DGKH: variants seen among roughly 807,000 people sequenced by gnomAD.
The protein encoded by DGKH is diacylglycerol kinase eta.
DGKH carries 90 observed loss-of-function variants against 159.3 expected under a neutral mutation model. That is an observed-to-expected ratio of 0.57 (90% CI 0.48 to 0.67). The LOEUF (loss-of-function observed/expected upper bound fraction) is 0.67, where lower values mean the gene tolerates loss of function less well. Ranked by LOEUF, DGKH falls within the 30% of genes least tolerant of loss-of-function variation. The pLI is 0.00. For missense variants in DGKH, 1,181 were observed against 1,506.1 expected, an observed-to-expected ratio of 0.78 and a Z score of 3.57; for synonymous variants, 536 against 553.8, an observed-to-expected ratio of 0.97 and a Z score of 0.45.
rs760259835 is a variant in DGKH, at chr13:42,221,266, C to G, written c.3445C>G (p.Gln1149Glu). The G allele has an allele frequency of 1.9e-6, 3 of 1,613,194 alleles. No homozygotes were observed. In the East Asian group the frequency reaches 6.7e-5, roughly 36 times the overall value. The change falls in exon 29 of 30, where the codon CAG becomes GAG. Residue 1149 changes from glutamine (Q) to glutamate (E), a missense_variant and splice_region_variant. Physicochemically the swap from Gln to Glu is conservative, Grantham distance 29. Transcript: ENST00000337343. ...GGTTTTGCTCTTAACTTTGGTAGTT[C>G]AGAAATGGGGCACAGAGGAAGTTGC... ...QKQKTSSQPV[Q>E]KWGTEEVAAW...
At position 42,241,652 on chromosome 13, in the gene DGKH, G is replaced by C. The variant is rs1958516233; in HGVS notation, c.*12464G>C. The stretch of plus-strand genomic sequence containing the variant: ...GTGCATGGTAAACCCACAGTAGAAG[G>C]GAAAAAGTAATGCTTTCTGGTATAC... On this transcript the variant is annotated 3_prime_UTR_variant, in exon 30 of 30. Coordinates refer to ENST00000337343, the MANE Select transcript of DGKH (RefSeq NM_178009.5). 6.6e-6 allele frequency: 1 copy of C among 152,134 alleles called. No homozygotes were observed. The highest frequency in any genetic ancestry group is 1.5e-5 in the Non-Finnish European group (1 of 68,018). 9.4% of individuals were successfully genotyped at this position (152,134 alleles called of 1,614,324 possible). A position where few individuals can be genotyped will look rare whatever the true frequency, so the allele number is the denominator to read the frequency against.
At chr13:42,062,647 C>G (rs1882267797) in intron 1 of DGKH, among the ~76,000 whole-genome samples, 1 of 152,206 alleles carries the variant, frequency 6.6e-6, no homozygotes, top group Non-Finnish European at 1.5e-5. Flanking sequence ...CCTACATCCA[C>G]TTGGGAGGTG....
At chr13:42,251,459 C>A (rs545798723) in intron 29 of DGKH, among the ~76,000 whole-genome samples, 19 of 151,888 alleles carry the variant, frequency 1.3e-4, no homozygotes, top group African/African-American at 4.3e-4. Flanking sequence ...CCTTTTATAC[C>A]CACTCATGTC....
At chr13:42,183,958 T>A (rs1956840229) in intron 13 of DGKH, among the ~76,000 whole-genome samples, 1 of 152,220 alleles carries the variant, frequency 6.6e-6, no homozygotes, top group African/African-American at 2.4e-5. Context: ...CATTTTGTTC[T>A]GTGTACAAAA....
intron 3 of DGKH, among the ~76,000 whole-genome samples, chr13:42,143,157 A>G (rs947711670): frequency 1.3e-5 from 2 of 152,128 alleles, no homozygotes; most frequent in Non-Finnish European, 2.9e-5. Flanking sequence ...TGAGATAATC[A>G]TATGGTTTTT....
downstream of DGKH, among the ~76,000 whole-genome samples, chr13:42,243,134 A>C (rs544693431): frequency 1.2e-4 from 19 of 152,324 alleles, no homozygotes; most frequent in African/African-American, 4.3e-4. Context: ...AAGGACCCGT[A>C]ATACAGATCC....
chr13:42,143,050 TA>T (rs1294314070), intron 3 of DGKH, among the ~76,000 whole-genome samples: 1 of 152,192 alleles, frequency 6.6e-6, no homozygotes, highest in African/African-American at 2.4e-5. Flanking sequence ...AAATAGCTCT[TA>T]TTACTTTGAG....
At chr13:42,122,351 C>T (rs1213187358) in intron 1 of DGKH, among the ~76,000 whole-genome samples, 1 of 152,104 alleles carries the variant, frequency 6.6e-6, no homozygotes, top group African/African-American at 2.4e-5. Context: ...CTGGAAAGTC[C>T]AAGGGCATAG....
intron 1 of DGKH, among the ~76,000 whole-genome samples, chr13:42,051,692 T>A (rs962123156): frequency 7.5e-6 from 1 of 133,660 alleles, no homozygotes; most frequent in African/African-American, 2.7e-5. Context: ...GGAGTTTCAC[T>A]CTTGTTGCCC....
At chr13:42,123,236 A>G (rs1955108974) in intron 1 of DGKH, among the ~76,000 whole-genome samples, 2 of 152,200 alleles carry the variant, frequency 1.3e-5, no homozygotes, top group South Asian at 4.1e-4. Flanking sequence ...TAGTTTATCT[A>G]CAGGGTAATT....
chr13:42,230,765 A>G lies in DGKH; in HGVS notation c.*1577A>G, dbSNP rs1353596047. On this transcript the variant is annotated 3_prime_UTR_variant, in exon 30 of 30. Transcript: ENST00000337343. Reference sequence around the variant, plus strand: ...ACATATAACCTTGTGATATGGCATCATTGATATTTTCTAGACAATTATTTC... The same window carrying G: ...ACATATAACCTTGTGATATGGCATCGTTGATATTTTCTAGACAATTATTTC... 2 of 151,992 alleles carry G rather than the reference A, an allele frequency of 1.3e-5. No homozygotes were observed. Among genetic ancestry groups the G allele is most frequent in the Non-Finnish European group, 2.9e-5 (2 of 67,992 alleles). The allele number at this position is 151,992 out of a possible 1,614,324, so 9.4% of individuals were successfully genotyped here.
In DGKH at chr13:42,155,393, G is replaced by A; in HGVS notation, c.487G>A (p.Glu163Lys). Reference protein sequence around the residue: ...LKSVQTREPYEVAQFNVEHFS... With the variant: ...LKSVQTREPYKVAQFNVEHFS... ...GTCTGTACAGACCAGAGAACCCTAC[G>A]AGGTAAAATAGCATCTTTTCTTTCA... is the stretch of plus-strand genomic sequence containing the variant. The change falls in exon 4 of 30, where the codon GAG becomes AAG. Residue 163 changes from glutamate to lysine, a missense_variant and splice_region_variant. Physicochemically the swap from Glu to Lys is moderately conservative, Grantham distance 56. Coordinates refer to ENST00000337343, the MANE Select transcript of DGKH (RefSeq NM_178009.5). The A allele has an allele frequency of 2.5e-6, 4 of 1,608,402 alleles. No individual in the cohort carries two copies. Among genetic ancestry groups the A allele is most frequent in the Non-Finnish European group, 3.4e-6 (4 of 1,178,028 alleles).
chr13:42,170,225 G>A (rs182024145), intron 11 of DGKH, among the ~76,000 whole-genome samples: 12 of 152,256 alleles, frequency 7.9e-5, no homozygotes, highest in East Asian at 7.7e-4. Context: ...TCTACCCTGG[G>A]TATGTGCTTT....
At chr13:42,167,804 G>A (rs1956348176) in intron 9 of DGKH, among the ~76,000 whole-genome samples, 1 of 151,852 alleles carries the variant, frequency 6.6e-6, no homozygotes, top group South Asian at 2.1e-4. Context: ...ATTTGTCCTC[G>A]AAGGCTTCAA....
intron 1 of DGKH, among the ~76,000 whole-genome samples, chr13:42,095,402 A>G (rs1954507121): frequency 6.6e-6 from 1 of 151,974 alleles, no homozygotes. Context: ...AACTCAAGTG[A>G]TCCCCCTGCC....
At chr13:42,127,162 A>C (rs1195949798) in intron 1 of DGKH, among the ~76,000 whole-genome samples, 5 of 152,184 alleles carry the variant, frequency 3.3e-5, no homozygotes. Flanking sequence ...CACCTCCACC[A>C]TACTTAATAT....
intron 1 of DGKH, among the ~76,000 whole-genome samples, chr13:42,054,970 C>A (rs1436832517): frequency 6.6e-6 from 1 of 152,142 alleles, no homozygotes; most frequent in African/African-American, 2.4e-5. Flanking sequence ...TGTGTTCCAA[C>A]AAAACTTTAT....
Position 42,155,665 on chromosome 13 carries a change from A to G in DGKH, c.490-2A>G, listed in dbSNP as rs1266161950. ...AAATCTGTCCTCACATCTCATTTCTAGGTGGCCCAGTTTAATGTGGAACAT... is the reference window on the plus strand; with the variant it reads ...AAATCTGTCCTCACATCTCATTTCTGGGTGGCCCAGTTTAATGTGGAACAT... On this transcript the variant is annotated splice_acceptor_variant, in intron 4 of 29. Transcript: ENST00000337343. LOFTEE classifies it high-confidence loss of function. 1 of 1,614,006 alleles carries G rather than the reference A, an allele frequency of 6.2e-7. No homozygotes were observed. Among genetic ancestry groups the G allele is most frequent in the African/African-American group, 1.3e-5 (1 of 74,926 alleles).
At chr13:42,041,983 C>T (rs1188893610) in intron 1 of DGKH, among the ~76,000 whole-genome samples, 1 of 152,202 alleles carries the variant, frequency 6.6e-6, no homozygotes, top group Non-Finnish European at 1.5e-5. Flanking sequence ...AGTATATACG[C>T]TCTCAGCTCC....
Sources: allele counts gnomAD v4.1 joint callset (sites outside exome capture counted in the v4.1 genomes callset), GRCh38; gene constraint gnomAD v4.1.1; transcripts MANE v1.5; gene names NCBI Gene and HGNC (gene_info 2026-07-23, HGNC 2026-07-21).